AGBL1: variants seen among roughly 807,000 people sequenced by gnomAD.
AGBL1 encodes the protein cytosolic carboxypeptidase 4.
Under a neutral mutation model 118.9 loss-of-function variants are expected in AGBL1, and 130 were observed. That is an observed-to-expected ratio of 1.09 (90% CI 0.95 to 1.26). AGBL1 has a LOEUF of 1.26. AGBL1 is among the 50% of genes most tolerant of loss of function. AGBL1 has a pLI of 0.00. For missense variants in AGBL1, 1,584 were observed against 1,298.1 expected, an observed-to-expected ratio of 1.22 and a Z score of -3.38; for synonymous variants, 555 against 478.9, an observed-to-expected ratio of 1.16 and a Z score of -2.08.
chr15:86,631,157 T>C (rs2084957607), intron 21 of AGBL1: 1 of 152,464 alleles, frequency 6.6e-6, no homozygotes. Context: ...TGACACACGC[T>C]GGTGACACAA....
At position 86,913,032 on chromosome 15, in the gene AGBL1, T is replaced by C. The variant is rs1344729436; in HGVS notation, c.*5738T>C. On this transcript the variant is annotated 3_prime_UTR_variant, in exon 23 of 23. Coordinates refer to ENST00000614907, the MANE Select transcript of AGBL1 (RefSeq NM_001386094.1). ...AAAGTGTTCTTTAGAAAAGAAAAAATAGAGTGGTAAAAGGGAATTTTGAGA... is the reference window on the plus strand; with the variant it reads ...AAAGTGTTCTTTAGAAAAGAAAAAACAGAGTGGTAAAAGGGAATTTTGAGA... 1 of 152,112 alleles carries C rather than the reference T, an allele frequency of 6.6e-6. No homozygotes were observed. Among genetic ancestry groups the C allele is most frequent in the Non-Finnish European group, 1.5e-5 (1 of 68,022 alleles). 9.4% of individuals were successfully genotyped at this position (152,112 alleles called of 1,614,324 possible).
At chr15:86,904,674 C>T (rs1021753966) in intron 22 of AGBL1, among the ~76,000 whole-genome samples, 9 of 148,392 alleles carry the variant, frequency 6.1e-5, no homozygotes, top group African/African-American at 2.0e-4. Flanking sequence ...AAATATATTA[C>T]ATGTATTTTA....
chr15:86,652,961 C>T (rs1040583752), intron 21 of AGBL1, among the ~76,000 whole-genome samples: 5 of 152,132 alleles, frequency 3.3e-5, no homozygotes, highest in African/African-American at 9.7e-5. Flanking sequence ...ATGCACAGAA[C>T]GGTCCCCATA....
At chr15:86,324,952 G>T (rs2080163978) in intron 17 of AGBL1, among the ~76,000 whole-genome samples, 1 of 152,140 alleles carries the variant, frequency 6.6e-6, no homozygotes, top group African/African-American at 2.4e-5. Flanking sequence ...TCGGAAAGGA[G>T]GTGAGGGTGA....
At chr15:86,986,853 G>C (rs527488380) in intron 23 of AGBL1, among the ~76,000 whole-genome samples, 1 of 152,124 alleles carries the variant, frequency 6.6e-6, no homozygotes, top group South Asian at 2.1e-4. Context: ...TGTGAGCAAG[G>C]CTGTTTATTT....
chr15:86,880,950 G>C (rs757675762), intron 22 of AGBL1, among the ~76,000 whole-genome samples: 14 of 152,056 alleles, frequency 9.2e-5, no homozygotes, highest in Non-Finnish European at 2.1e-4. Flanking sequence ...CCAGGGGAGG[G>C]GGCGTCTGTG....
At chr15:86,348,781 A>G (rs1197719550) in intron 17 of AGBL1, among the ~76,000 whole-genome samples, 1 of 14,554 alleles carries the variant, frequency 6.9e-5, no homozygotes, top group South Asian at 1.2e-3. Flanking sequence ...GTCTCAAAAG[A>G]AAAAAAAAAA....
intron 22 of AGBL1, among the ~76,000 whole-genome samples, chr15:86,747,052 C>A (rs545103397): frequency 6.6e-6 from 1 of 151,922 alleles, no homozygotes; most frequent in African/African-American, 2.4e-5. Flanking sequence ...AGGGATGATA[C>A]CACCAATGTC....
At chr15:86,401,521 GC>G (rs2081445600) in intron 18 of AGBL1, among the ~76,000 whole-genome samples, 1 of 152,034 alleles carries the variant, frequency 6.6e-6, no homozygotes, top group Non-Finnish European at 1.5e-5. Flanking sequence ...TGAATTCTTT[GC>G]CTAAGCCAAT....
intron 17 of AGBL1, among the ~76,000 whole-genome samples, chr15:86,378,449 C>A (rs974693068): frequency 5.9e-5 from 9 of 152,072 alleles, no homozygotes; most frequent in African/African-American, 1.7e-4. Context: ...CTTCTAGAGA[C>A]CCCTTTGCCT....
chr15:86,985,963 G>T (rs753514887), intron 23 of AGBL1, among the ~76,000 whole-genome samples: 4 of 148,142 alleles, frequency 2.7e-5, no homozygotes, highest in Non-Finnish European at 5.9e-5. Flanking sequence ...TCCCTCTTTC[G>T]CCTAGGCTGG....
chr15:86,834,355 T>A (rs772435837), intron 22 of AGBL1, among the ~76,000 whole-genome samples: 1 of 152,014 alleles, frequency 6.6e-6, no homozygotes, highest in Non-Finnish European at 1.5e-5. Context: ...AGAAGGGAGA[T>A]CATGAATGTC....
intron 17 of AGBL1, among the ~76,000 whole-genome samples, chr15:86,347,050 A>G (rs1443269712): frequency 1.1e-4 from 16 of 152,304 alleles, no homozygotes; most frequent in Admixed American, 2.0e-4. Context: ...GTGGTGCCCA[A>G]TTACTGGATT....
chr15:86,352,668 G>A (rs994612390), intron 17 of AGBL1, among the ~76,000 whole-genome samples: 2 of 152,104 alleles, frequency 1.3e-5, no homozygotes, highest in Non-Finnish European at 2.9e-5. Flanking sequence ...TTTTAGTAGA[G>A]ATGGGGTTTC....
intron 24 of AGBL1, among the ~76,000 whole-genome samples, chr15:87,023,904 C>G (rs928458050): frequency 2.5e-4 from 38 of 151,854 alleles, no homozygotes; most frequent in African/African-American, 8.9e-4. Flanking sequence ...AAAATTAAAC[C>G]AAAATGAAAA....
intron 18 of AGBL1, among the ~76,000 whole-genome samples, chr15:86,447,284 T>C (rs1172147353): frequency 2.6e-5 from 4 of 152,224 alleles, no homozygotes; most frequent in Non-Finnish European, 5.9e-5. Context: ...CTAGAGCTAC[T>C]GCAAATGACT....
At chr15:86,291,937 A>G (rs1160333274) in intron 16 of AGBL1, among the ~76,000 whole-genome samples, 1 of 152,168 alleles carries the variant, frequency 6.6e-6, no homozygotes, top group African/African-American at 2.4e-5. Flanking sequence ...ATTTTTATTT[A>G]TCTTGAATCT....
At chr15:86,470,714 T>C (rs918466816) in intron 18 of AGBL1, among the ~76,000 whole-genome samples, 10 of 152,178 alleles carry the variant, frequency 6.6e-5, no homozygotes, top group Admixed American at 1.3e-4. Flanking sequence ...ATTTCTTTCA[T>C]CAGTGTTTTA....
chr15:86,833,765 A>T (rs1278080033), intron 22 of AGBL1, among the ~76,000 whole-genome samples: 1 of 152,182 alleles, frequency 6.6e-6, no homozygotes, highest in African/African-American at 2.4e-5. Flanking sequence ...ACATGCCCAG[A>T]ATCAACAAGA....
Sources: gnomAD v4.1 joint callset for allele counts (sites outside exome capture counted in the v4.1 genomes callset) on GRCh38, gnomAD v4.1.1 for gene constraint, MANE v1.5 for transcripts, NCBI Gene and HGNC (gene_info 2026-07-23, HGNC 2026-07-21) for gene names.